Variants in SPIDR observed in about 807,000 individuals in gnomAD.
SPIDR encodes DNA repair-scaffolding protein.
SPIDR carries 93 observed loss-of-function variants against 104.6 expected under a neutral mutation model. That is an observed-to-expected ratio of 0.89 (90% confidence interval 0.75 to 1.06). SPIDR has a LOEUF of 1.06. SPIDR is among the 50% of genes least tolerant of loss of function. SPIDR has a pLI of 0.00. For synonymous variants in SPIDR, 431 were observed against 416.9 expected (o/e 1.03, Z -0.41); for missense variants, 1,154 against 1,111.2 (o/e 1.04, Z -0.55).
intron 3 of SPIDR, among the ~76,000 whole-genome samples, chr8:47,287,254 A>G (rs1586366776): frequency 6.6e-6 from 1 of 151,748 alleles, no homozygotes; most frequent in East Asian, 1.9e-4. Flanking sequence ...GGCAAAGGGC[A>G]AAGCAAAGAT....
chr8:47,360,964 A>G (rs2055768691), intron 5 of SPIDR: 1 of 985,118 alleles, frequency 1.0e-6, no homozygotes, highest in Non-Finnish European at 1.2e-6. Flanking sequence ...GCATTCACAT[A>G]TTATTTCACA....
intron 8 of SPIDR, among the ~76,000 whole-genome samples, chr8:47,538,293 C>A (rs1397351052): frequency 6.6e-6 from 1 of 152,042 alleles, no homozygotes; most frequent in Non-Finnish European, 1.5e-5. Context: ...GCCTGTAATC[C>A]CAGCACTTTG....
At chr8:47,668,430 C>T (rs116164190) in intron 10 of SPIDR, among the ~76,000 whole-genome samples, 45 of 150,996 alleles carry the variant, frequency 3.0e-4, no homozygotes, top group African/African-American at 1.1e-3. Context: ...TAAATTAATA[C>T]AGATAAAGCA....
intron 8 of SPIDR, among the ~76,000 whole-genome samples, chr8:47,557,172 T>A (rs2091424113): frequency 6.6e-6 from 1 of 152,176 alleles, no homozygotes; most frequent in Non-Finnish European, 1.5e-5. Flanking sequence ...TATAATATTA[T>A]TTCTCTGAGA....
chr8:47,592,950 G>A (rs1201168629), intron 8 of SPIDR, among the ~76,000 whole-genome samples: 2 of 151,998 alleles, frequency 1.3e-5, no homozygotes, highest in African/African-American at 2.4e-5. Flanking sequence ...GCAATGGTGC[G>A]ATCTTGGCTC....
rs191010881 is a variant in SPIDR, at chr8:47,713,617, G to T, written c.2317G>T (p.Val773Phe). 19 of 1,614,134 alleles carry T rather than the reference G, an allele frequency of 1.2e-5. No individual in the cohort carries two copies. The Admixed American group carries it at 2.0e-4, about 17-fold the overall frequency. ...MLDSLDSATP[V>F]NSICSVQGTV... ...CGACAGCCTGGACTCTGCAACACCT[G>T]TCAACTCCATCTGCAGTGTTCAAGG... The change falls in exon 16 of 20, where the codon GTC (valine) becomes TTC (phenylalanine). Residue 773 changes from valine (V) to phenylalanine (F), a missense_variant. Transcript: ENST00000297423.
chr8:47,353,687 T>A (rs1463728477), intron 5 of SPIDR, among the ~76,000 whole-genome samples: 1 of 150,144 alleles, frequency 6.7e-6, no homozygotes, highest in Non-Finnish European at 1.5e-5. Context: ...TATTTTAAAA[T>A]TGATTTAAAT....
At chr8:47,348,003 G>C (rs2052530601) in intron 5 of SPIDR, among the ~76,000 whole-genome samples, 1 of 152,040 alleles carries the variant, frequency 6.6e-6, no homozygotes, top group African/African-American at 2.4e-5. Flanking sequence ...ATGTTAGCTG[G>C]TTATTTTGCT....
intron 6 of SPIDR, among the ~76,000 whole-genome samples, chr8:47,406,545 TG>T: frequency 6.6e-6 from 1 of 152,194 alleles, no homozygotes; most frequent in African/African-American, 2.4e-5. Context: ...TTCTGTTACA[TG>T]TACTACACGC....
chr8:47,358,730 T>C (rs189347125), intron 5 of SPIDR, among the ~76,000 whole-genome samples: 22 of 152,250 alleles, frequency 1.4e-4, no homozygotes, highest in African/African-American at 3.6e-4. Flanking sequence ...CTGATCCCTA[T>C]ATTACTTCAG....
At chr8:47,567,861 C>T (rs142942895) in intron 8 of SPIDR, among the ~76,000 whole-genome samples, 2 of 135,122 alleles carry the variant, frequency 1.5e-5, no homozygotes, top group African/African-American at 5.6e-5. Flanking sequence ...TCACAGCTCA[C>T]TGCAGCCTTG....
chr8:47,317,962 C>T (rs1424572598), intron 5 of SPIDR, among the ~76,000 whole-genome samples: 1 of 152,050 alleles, frequency 6.6e-6, no homozygotes, highest in Admixed American at 6.6e-5. Flanking sequence ...TCATCAAAGA[C>T]CCAAAGGTAG....
intron 5 of SPIDR, among the ~76,000 whole-genome samples, chr8:47,313,369 C>G (rs1208440856): frequency 4.6e-5 from 7 of 152,220 alleles, no homozygotes; most frequent in Middle Eastern, 3.4e-3. Context: ...CGTGAAGGAC[C>G]TCTTCAAGGA....
chr8:47,308,337 A>G (rs1174800454), intron 5 of SPIDR, among the ~76,000 whole-genome samples: 2 of 148,370 alleles, frequency 1.3e-5, no homozygotes, highest in South Asian at 2.2e-4. Context: ...TGCTGAGATT[A>G]TAGGCATGAG....
Position 47,595,796 on chromosome 8 carries a change from C to A in SPIDR, c.1098-15C>A. 6.2e-7 allele frequency: 1 copy of A among 1,612,446 alleles called. No individual in the cohort carries two copies. Among genetic ancestry groups the A allele is most frequent in the South Asian group, 1.1e-5 (1 of 90,898 alleles). ...ATATTGCAAAGAAACTGTTGCATGT[C>A]TTTCTCTTTTCCAGGCAAAAACTGA... On this transcript the variant is annotated splice_polypyrimidine_tract_variant and intron_variant, in intron 8 of 19. Transcript: ENST00000297423.
At chr8:47,583,897 G>A (rs1761542134) in intron 8 of SPIDR, among the ~76,000 whole-genome samples, 1 of 152,176 alleles carries the variant, frequency 6.6e-6, no homozygotes, top group African/African-American at 2.4e-5. Flanking sequence ...TCACATCCGA[G>A]TCACAACCTT....
At chr8:47,716,409 C>T (rs1343748260) in intron 16 of SPIDR, among the ~76,000 whole-genome samples, 1 of 152,170 alleles carries the variant, frequency 6.6e-6, no homozygotes, top group Non-Finnish European at 1.5e-5. Flanking sequence ...ATTCTTTTCA[C>T]TGTGTTGAGG....
At chr8:47,552,889 TG>T (rs1300341482) in intron 8 of SPIDR, among the ~76,000 whole-genome samples, 1 of 152,200 alleles carries the variant, frequency 6.6e-6, no homozygotes, top group Non-Finnish European at 1.5e-5. Flanking sequence ...GTTTTTGCAG[TG>T]GCTGGTACCA....
At chr8:47,467,041 G>T (rs911089802) in intron 8 of SPIDR, among the ~76,000 whole-genome samples, 5 of 151,584 alleles carry the variant, frequency 3.3e-5, no homozygotes, top group South Asian at 2.1e-4. Flanking sequence ...TATCACCACT[G>T]ACCCCACAGA....
Sources: gnomAD v4.1 joint callset for allele counts (sites outside exome capture counted in the v4.1 genomes callset) on GRCh38, gnomAD v4.1.1 for gene constraint, MANE v1.5 for transcripts, NCBI Gene and HGNC (gene_info 2026-07-23, HGNC 2026-07-21) for gene names.